ZNF521: variants seen among roughly 807,000 people sequenced by gnomAD.
ZNF521 encodes zinc finger protein 521, also known as LYST-interacting protein 3.
A neutral mutation model predicts 105.5 loss-of-function variants in ZNF521; 14 were observed. The observed-to-expected ratio is 0.13, with a 90% CI of 0.09 to 0.21. The LOEUF is 0.21. Ranked by LOEUF, ZNF521 falls within the 10% of genes least tolerant of loss-of-function variation. The pLI is 1.00. For missense variants in ZNF521, 1,233 were observed against 1,629.7 expected, an observed-to-expected ratio of 0.76 and a Z score of 4.19; for synonymous variants, 635 against 606.0, an observed-to-expected ratio of 1.05 and a Z score of -0.70.
At chr18:25,169,198 A>G (rs1000098800) in intron 5 of ZNF521, among the ~76,000 whole-genome samples, 1 of 152,194 alleles carries the variant, frequency 6.6e-6, no homozygotes, top group African/African-American at 2.4e-5. Flanking sequence ...TGGAACCTAC[A>G]GTGGTTTGCA....
chr18:25,103,024 G>A (rs188122415), intron 5 of ZNF521, among the ~76,000 whole-genome samples: 38 of 152,218 alleles, frequency 2.5e-4, no homozygotes, highest in African/African-American at 8.2e-4. Context: ...CCCCTTGAAA[G>A]CTTTTCTTCT....
chr18:25,323,335 G>A (rs770728598), intron 2 of ZNF521, among the ~76,000 whole-genome samples: 32 of 152,002 alleles, frequency 2.1e-4, no homozygotes, highest in Non-Finnish European at 3.4e-4. Flanking sequence ...TAAGAAATAC[G>A]TAAGGCATTA....
intron 3 of ZNF521, among the ~76,000 whole-genome samples, chr18:25,261,719 C>A (rs1908924568): frequency 6.6e-6 from 1 of 151,802 alleles, no homozygotes; most frequent in African/African-American, 2.4e-5. Flanking sequence ...GCTGTCCAGT[C>A]TCGGAAACAG....
Position 25,104,777 on chromosome 18 carries a change from C to G in ZNF521, c.3659-12696G>C, listed in dbSNP as rs141199751. 4.5e-3 allele frequency among the ~76,000 whole-genome samples: 679 copies of G among 152,190 alleles called. 7 individuals carry two copies. Among genetic ancestry groups the G allele is most frequent in the African/African-American group, 0.015 (623 of 41,532 alleles). ...TCATCTCAGAATACAGGAGAAAAGA[C>G]AGTTCAGAAATTGAAACAAGAGTGG... On this transcript the variant is annotated intron_variant, in intron 5 of 7. Coordinates refer to ENST00000361524, the MANE Select transcript of ZNF521 (RefSeq NM_015461.3).
chr18:25,282,222 C>T (rs1910422950), intron 3 of ZNF521, among the ~76,000 whole-genome samples: 1 of 152,162 alleles, frequency 6.6e-6, no homozygotes, highest in Non-Finnish European at 1.5e-5. Flanking sequence ...TCTTCCAAAA[C>T]ATCCCAAAAC....
chr18:25,148,563 A>G (rs1354919460), intron 5 of ZNF521, among the ~76,000 whole-genome samples: 1 of 152,098 alleles, frequency 6.6e-6, no homozygotes, highest in Admixed American at 6.5e-5. Flanking sequence ...CAATGGATAA[A>G]TCCTTATGAG....
intron 5 of ZNF521, among the ~76,000 whole-genome samples, chr18:25,094,585 A>T (rs8088162): frequency 0.022 from 3,099 of 139,610 alleles, 102 homozygotes; most frequent in African/African-American, 0.098. Flanking sequence ...TTATAATGTT[A>T]AAAAAAAAGT....
chr18:25,143,483 T>G (rs2034888762), intron 5 of ZNF521, among the ~76,000 whole-genome samples: 1 of 152,140 alleles, frequency 6.6e-6, no homozygotes, highest in Non-Finnish European at 1.5e-5. Flanking sequence ...CAAAAGGTCT[T>G]GTTCTGGGCA....
At chr18:25,150,295 T>C (rs1331769702) in intron 5 of ZNF521, among the ~76,000 whole-genome samples, 1 of 152,092 alleles carries the variant, frequency 6.6e-6, no homozygotes, top group East Asian at 1.9e-4. Flanking sequence ...GGCTGGGAAG[T>C]GGGTGAGGGA....
intron 2 of ZNF521, among the ~76,000 whole-genome samples, chr18:25,350,014 C>A (rs1303833036): frequency 6.6e-6 from 1 of 151,686 alleles, no homozygotes; most frequent in East Asian, 1.9e-4. Context: ...CGGAAGGAGG[C>A]TCGCGAAGGT....
chr18:25,315,930 C>T (rs889327457), intron 3 of ZNF521: 4 of 152,198 alleles, frequency 2.6e-5, no homozygotes, highest in African/African-American at 9.7e-5. Context: ...GGCATCAGCA[C>T]ATAGAATATA....
chr18:25,156,218 C>A (rs113541334), intron 5 of ZNF521, among the ~76,000 whole-genome samples: 3 of 152,090 alleles, frequency 2.0e-5, no homozygotes, highest in Admixed American at 6.6e-5. Flanking sequence ...ATGTTCTATA[C>A]CTTAAATACA....
chr18:25,121,618 A>G (rs2034445718), intron 5 of ZNF521, among the ~76,000 whole-genome samples: 1 of 152,138 alleles, frequency 6.6e-6, no homozygotes, highest in Non-Finnish European at 1.5e-5. Context: ...CACCCAGCAG[A>G]GTGACCACCA....
intron 5 of ZNF521, among the ~76,000 whole-genome samples, chr18:25,173,484 T>C (rs553916301): frequency 1.3e-5 from 2 of 152,332 alleles, no homozygotes; most frequent in Admixed American, 1.3e-4. Flanking sequence ...GGTTTCCTTG[T>C]CACCTGACTG....
At chr18:25,252,603 T>C (rs113406423) in intron 3 of ZNF521, among the ~76,000 whole-genome samples, 2 of 152,164 alleles carry the variant, frequency 1.3e-5, no homozygotes, top group African/African-American at 4.8e-5. Context: ...CACTTTCTAT[T>C]TCCTTCTGTT....
intron 5 of ZNF521, among the ~76,000 whole-genome samples, chr18:25,110,507 C>T (rs1460929400): frequency 6.6e-6 from 1 of 151,870 alleles, no homozygotes; most frequent in Non-Finnish European, 1.5e-5. Context: ...GGTGAAGCCG[C>T]AGGGTTATAA....
At chr18:25,276,680 C>T (rs753749211) in intron 3 of ZNF521, among the ~76,000 whole-genome samples, 1 of 152,120 alleles carries the variant, frequency 6.6e-6, no homozygotes, top group South Asian at 2.1e-4. Context: ...AAGACACATC[C>T]CACACTTCAA....
chr18:25,251,562 C>G (rs1908118362), intron 3 of ZNF521, among the ~76,000 whole-genome samples: 1 of 152,108 alleles, frequency 6.6e-6, no homozygotes, highest in Admixed American at 6.6e-5. Context: ...TCCTTTGAAA[C>G]CCTAAGTAGT....
In ZNF521 at chr18:25,226,871, C is replaced by G; in HGVS notation, c.1047G>C (p.Val349=). 4 of 1,613,946 alleles carry G rather than the reference C, an allele frequency of 2.5e-6. No homozygotes were observed. The highest frequency in any genetic ancestry group is 3.4e-6 in the Non-Finnish European group (4 of 1,179,988). ...TCGTACTGGACACGGAGGTATAGCC[C>G]ACCGTGACCAGGGAAGGGCTGTTGC... ...NHSNSPSLVT[V]GYTSVSSTTP... is the part of the protein sequence containing the mutation. The change falls in exon 4 of 8, where the codon GTG becomes GTC. Residue 349 remains valine, a synonymous_variant. Transcript: ENST00000361524. This position sits in a 1 kb window ranked among gnomAD's most constrained non-coding sequence, Gnocchi z 4.1.
Sources: allele counts gnomAD v4.1 joint callset (sites outside exome capture counted in the v4.1 genomes callset), GRCh38; gene constraint gnomAD v4.1.1; non-coding constraint Gnocchi (gnomAD v3.1); transcripts MANE v1.5; gene names NCBI Gene and HGNC (gene_info 2026-07-23, HGNC 2026-07-21).